Variants in BMPR2 observed in about 807,000 individuals in gnomAD.
BMPR2 encodes bone morphogenetic protein receptor type 2, also known as bone morphogenetic protein receptor type-2.
BMPR2 carries 29 observed loss-of-function variants against 100.8 expected under a neutral mutation model. The observed-to-expected ratio is 0.29, with a 90% CI of 0.21 to 0.39. The LOEUF (loss-of-function observed/expected upper bound fraction) is 0.39. BMPR2 is among the 10% of genes least tolerant of loss of function. The pLI is 1.00. For synonymous variants in BMPR2, 382 were observed against 442.3 expected (o/e 0.86, Z 1.71); for missense variants, 1,011 against 1,274.5 (o/e 0.79, Z 3.15).
chr2:202,429,593 T>C (rs1691464394), intron 1 of BMPR2, among the ~76,000 whole-genome samples: 1 of 152,180 alleles, frequency 6.6e-6, no homozygotes, highest in African/African-American at 2.4e-5. Flanking sequence ...GGCAGTATAT[T>C]AGTCTGCTTG....
intron 1 of BMPR2, among the ~76,000 whole-genome samples, chr2:202,414,697 C>G (rs1303208911): frequency 6.6e-6 from 1 of 152,146 alleles, no homozygotes; most frequent in Non-Finnish European, 1.5e-5. Context: ...ACAACATTCC[C>G]TTAGGTCAAA....
rs191418498 is a variant in BMPR2, at chr2:202,465,217, C to T, written c.247+238C>T. 4.7e-3 allele frequency among the ~76,000 whole-genome samples: 720 copies of T among 151,998 alleles called. 3 individuals are homozygous for T. The highest frequency in any genetic ancestry group is 0.014 in the African/African-American group (595 of 41,468). ...CCTGGGTAATAACATGGTGAAACCC[C>T]GTCTCTACTAAAAATACAAAAATTA... is the stretch of plus-strand genomic sequence containing the variant. On this transcript the variant is annotated intron_variant, in intron 2 of 12. Transcript: ENST00000374580.
At chr2:202,490,030 G>T (rs946128544) in intron 3 of BMPR2, among the ~76,000 whole-genome samples, 1 of 152,140 alleles carries the variant, frequency 6.6e-6, no homozygotes, top group Admixed American at 6.6e-5. Flanking sequence ...TTTTGTCTGG[G>T]ACCCACGATC....
chr2:202,483,600 T>G (rs967300909), intron 3 of BMPR2, among the ~76,000 whole-genome samples: 1 of 152,096 alleles, frequency 6.6e-6, no homozygotes, highest in African/African-American at 2.4e-5. Context: ...GGTTTTGCCA[T>G]GTTGGCTAGG....
Position 202,556,154 on chromosome 2 carries a change from T to G in BMPR2, c.2489T>G (p.Val830Gly). ...ACAACCCAATATGCCAATGGGACAG[T>G]ACTATCTGGCCAAACAACCAACATA... is the stretch of plus-strand genomic sequence containing the variant. ...AATTQYANGT[V>G]LSGQTTNIVT... Residue 830 changes from valine (V) to glycine (G), a missense_variant, in exon 12 of 13, where the codon GTA becomes GGA. This residue lies in a region of BMPR2 where 508 missense variants were observed against 552.0 expected (regional missense o/e 0.92). Transcript: ENST00000374580. 1 of 1,612,650 alleles carries G rather than the reference T, an allele frequency of 6.2e-7. No homozygotes were observed. Among genetic ancestry groups the G allele is most frequent in the Non-Finnish European group, 8.5e-7 (1 of 1,178,694 alleles).
intron 5 of BMPR2, among the ~76,000 whole-genome samples, chr2:202,516,541 G>T (rs1451385603): frequency 6.6e-6 from 1 of 152,136 alleles, no homozygotes; most frequent in African/African-American, 2.4e-5. Flanking sequence ...AGCTGGGTGT[G>T]GTGGCACATG....
At chr2:202,494,685 A>G (rs1692981412) in intron 3 of BMPR2, among the ~76,000 whole-genome samples, 1 of 152,254 alleles carries the variant, frequency 6.6e-6, no homozygotes, top group Non-Finnish European at 1.5e-5. Context: ...CAATTCAGGT[A>G]TAACATAGAT....
At chr2:202,392,064 G>T (rs953384637) in intron 1 of BMPR2, among the ~76,000 whole-genome samples, 5 of 147,538 alleles carry the variant, frequency 3.4e-5, no homozygotes, top group Admixed American at 2.0e-4. Flanking sequence ...CCAGCCTACA[G>T]TCTACACTCT....
chr2:202,381,781 T>C (rs1690299523), intron 1 of BMPR2, among the ~76,000 whole-genome samples: 1 of 152,132 alleles, frequency 6.6e-6, no homozygotes, highest in Non-Finnish European at 1.5e-5. Flanking sequence ...TATTCTGGCA[T>C]GTGGGATGAT....
At chr2:202,508,762 A>T (rs1039443988) in intron 3 of BMPR2, among the ~76,000 whole-genome samples, 1 of 152,244 alleles carries the variant, frequency 6.6e-6, no homozygotes, top group Non-Finnish European at 1.5e-5. Flanking sequence ...TATAATAAAA[A>T]GATTAAAACT....
rs1369573878 is a variant in BMPR2 at position 202,377,153 on chromosome 2, AC to A, written c.-321del. 5.1e-6 allele frequency: 3 copies of A among 584,036 alleles called. No homozygotes were observed. Among genetic ancestry groups the A allele is most frequent in the African/African-American group, 3.8e-5 (2 of 53,320 alleles). The allele number at this position is 584,036 out of a possible 1,614,324, so 36.2% of individuals were successfully genotyped here. On this transcript the variant is annotated 5_prime_UTR_variant, in exon 1 of 13. It removes the in-frame stop codon of an upstream open reading frame in the 5' UTR. Transcript: ENST00000374580. The stretch of plus-strand genomic sequence containing the variant: ...CTGGATATTTTTTTGATATCGTGAA[AC>A]TACGAGGGAAATAATTTGGGGGATT...
At chr2:202,461,785 G>T (rs144246440) in intron 1 of BMPR2, among the ~76,000 whole-genome samples, 2 of 152,190 alleles carry the variant, frequency 1.3e-5, no homozygotes, top group East Asian at 3.9e-4. Context: ...AAGAAAAAAT[G>T]ACATCCCTTT....
Position 202,466,260 on chromosome 2 carries a change from T to C in BMPR2, c.248-1259T>C, listed in dbSNP as rs898271546. ...TATTCTCTCCAACACTGTATGAACG[T>C]GTCTGTGTTACTGAATCATTTTTCT... On this transcript the variant is annotated intron_variant, in intron 2 of 12. Coordinates refer to ENST00000374580, the MANE Select transcript of BMPR2 (RefSeq NM_001204.7). 3.3e-5 allele frequency among the ~76,000 whole-genome samples: 5 copies of C among 152,172 alleles called. No individual in the cohort carries two copies. In the East Asian group the frequency reaches 7.7e-4, roughly 23 times the overall value.
chr2:202,539,348 A>G (rs1202012884), intron 9 of BMPR2, among the ~76,000 whole-genome samples: 1 of 152,196 alleles, frequency 6.6e-6, no homozygotes, highest in Non-Finnish European at 1.5e-5. Flanking sequence ...CAGAACACAG[A>G]AATCATGTTA....
intron 3 of BMPR2, among the ~76,000 whole-genome samples, chr2:202,504,678 CTTTTTTTTTT>C (rs144161668): frequency 2.7e-5 from 3 of 112,474 alleles, no homozygotes; most frequent in African/African-American, 6.9e-5. Context: ...ATAGTAGATT[CTTTTTTTTTT>C]TTTTTTTTTT....
intron 1 of BMPR2, among the ~76,000 whole-genome samples, chr2:202,438,598 G>A (rs1215512212): frequency 2.7e-5 from 4 of 150,428 alleles, no homozygotes; most frequent in Admixed American, 6.6e-5. Flanking sequence ...TACTTATTAC[G>A]TTTTGCGTTT....
chr2:202,535,188 C>G (rs1434614555), intron 9 of BMPR2, among the ~76,000 whole-genome samples: 2 of 150,976 alleles, frequency 1.3e-5, no homozygotes, highest in Admixed American at 1.3e-4. Flanking sequence ...GGGGCTGACC[C>G]CCCCCACCTC....
intron 3 of BMPR2, among the ~76,000 whole-genome samples, chr2:202,497,126 C>T (rs1234243040): frequency 4.6e-5 from 7 of 152,210 alleles, no homozygotes; most frequent in South Asian, 2.1e-4. Context: ...GATTTCTCAC[C>T]GGGTCTTAGC....
chr2:202,484,923 C>T (rs935740106), intron 3 of BMPR2, among the ~76,000 whole-genome samples: 19 of 140,374 alleles, frequency 1.4e-4, no homozygotes, highest in African/African-American at 4.6e-4. Context: ...GAGCCGAAAT[C>T]GTGCCACTGC....
Sources: allele counts gnomAD v4.1 joint callset (sites outside exome capture counted in the v4.1 genomes callset), GRCh38; gene constraint gnomAD v4.1.1; regional missense constraint gnomAD v4.1.1; transcripts MANE v1.5; gene names NCBI Gene and HGNC (gene_info 2026-07-23, HGNC 2026-07-21).